The following RARB variants were observed in gnomAD, a reference collection of about 807,000 sequenced individuals.
RARB encodes the protein retinoic acid receptor beta.
A neutral mutation model predicts 51.9 loss-of-function variants in RARB; 17 were observed. The observed-to-expected ratio is 0.33, with a 90% CI of 0.22 to 0.49. The LOEUF (loss-of-function observed/expected upper bound fraction) is 0.49. Ranked by LOEUF, RARB falls within the 20% of genes least tolerant of loss-of-function variation. The pLI, the probability that RARB is intolerant of heterozygous loss-of-function variation, is 0.99. For synonymous variants in RARB, 215 were observed against 195.4 expected (o/e 1.10, Z -0.84); for missense variants, 369 against 550.8 (o/e 0.67, Z 3.30).
chr3:25,260,266 G>A (rs1030997055), intron 5 of RARB, among the ~76,000 whole-genome samples: 4 of 152,130 alleles, frequency 2.6e-5, no homozygotes, highest in African/African-American at 9.7e-5. Flanking sequence ...CAAGAAAGCT[G>A]CAGTATTTTG....
At chr3:25,169,629 A>C (rs1242158657) in intron 4 of RARB, among the ~76,000 whole-genome samples, 1 of 152,314 alleles carries the variant, frequency 6.6e-6, no homozygotes, top group East Asian at 1.9e-4. Context: ...AAGGAGAAAG[A>C]GGTTTCTATG....
chr3:25,212,765 G>A (rs931215165), intron 5 of RARB, among the ~76,000 whole-genome samples: 27 of 151,780 alleles, frequency 1.8e-4, no homozygotes, highest in African/African-American at 6.5e-4. Flanking sequence ...CTTTTTTTGT[G>A]AGTATGAAAA....
chr3:25,575,592 C>T (rs1700893014), intron 4 of RARB, among the ~76,000 whole-genome samples: 1 of 152,144 alleles, frequency 6.6e-6, no homozygotes, highest in Non-Finnish European at 1.5e-5. Context: ...TGCATGACAC[C>T]AATCCTCCGT....
At chr3:25,108,431 A>G (rs1324800245) in intron 3 of RARB, among the ~76,000 whole-genome samples, 4 of 152,180 alleles carry the variant, frequency 2.6e-5, no homozygotes, top group East Asian at 1.9e-4. Context: ...GGTTTCCTCT[A>G]TCACCTGGTA....
At chr3:25,033,702 T>A (rs74697960) in intron 2 of RARB, among the ~76,000 whole-genome samples, 2,019 of 152,234 alleles carry the variant, frequency 0.013, 16 homozygotes, top group Non-Finnish European at 0.02. Context: ...ATCTCTGCCT[T>A]CCAGTTCCCA....
At chr3:25,089,211 T>C (rs1388104167) in intron 3 of RARB, among the ~76,000 whole-genome samples, 8 of 152,018 alleles carry the variant, frequency 5.3e-5, no homozygotes, top group African/African-American at 1.9e-4. Context: ...TTGGTTTTCC[T>C]CCATAAAAAT....
intron 2 of RARB, among the ~76,000 whole-genome samples, chr3:24,891,614 T>G: frequency 6.6e-6 from 1 of 152,174 alleles, no homozygotes; most frequent in East Asian, 1.9e-4. Context: ...CATCATAACT[T>G]TTTTGTGGCT....
intron 2 of RARB, among the ~76,000 whole-genome samples, chr3:25,014,560 C>A (rs919496510): frequency 4.6e-5 from 7 of 152,074 alleles, no homozygotes; most frequent in Non-Finnish European, 8.8e-5. Flanking sequence ...CAGCATGCAG[C>A]TGAGTAAGTG....
chr3:24,859,343 G>C (rs911399588), intron 2 of RARB, among the ~76,000 whole-genome samples: 8 of 152,114 alleles, frequency 5.3e-5, no homozygotes, highest in African/African-American at 1.9e-4. Flanking sequence ...TCAGGGGGTG[G>C]AACTTCGTTT....
In RARB at chr3:24,969,324, TC is replaced by T. The variant is rs1696343542; in HGVS notation, c.-379-90800del. ...AGTGCCCAGCATAAAGAAAGCACCA[TC>T]TAAATGCTCTGTGAGGGGCATTATT... On this transcript the variant is annotated intron_variant, in intron 2 of 11. Coordinates refer to the RARB transcript ENST00000383772. Among the ~76,000 whole-genome samples, 3 of 152,176 alleles carry T rather than the reference TC, an allele frequency of 2.0e-5. No homozygotes were observed. In the South Asian group the frequency reaches 6.2e-4, roughly 32 times the overall value.
At chr3:25,180,375 G>A (rs1458091883) in intron 5 of RARB, among the ~76,000 whole-genome samples, 1 of 152,176 alleles carries the variant, frequency 6.6e-6, no homozygotes, top group Non-Finnish European at 1.5e-5. Flanking sequence ...TTGAACTTTG[G>A]AAAAGTTAGA....
rs372604310 is a variant in RARB at position 25,081,980 on chromosome 3, G to C, written c.-328+21804G>C. On this transcript the variant is annotated intron_variant, in intron 3 of 11. Transcript: ENST00000383772. ...TGTTATTAGGTGTATATACATTTAG[G>C]ATTTTTATATCTTCCTGATGAATTT... Among the ~76,000 whole-genome samples the C allele has an allele frequency of 1.0e-3, 154 of 151,976 alleles. 2 individuals carry two copies. In the Middle Eastern group the frequency reaches 0.014, roughly 13 times the overall value.
chr3:25,311,402 C>T (rs189020024), intron 5 of RARB, among the ~76,000 whole-genome samples: 1 of 152,240 alleles, frequency 6.6e-6, no homozygotes, highest in South Asian at 2.1e-4. Context: ...TGGGTCGGTA[C>T]TAAAGGATAT....
At chr3:24,858,227 G>T (rs1702670283) in intron 1 of RARB, among the ~76,000 whole-genome samples, 1 of 149,682 alleles carries the variant, frequency 6.7e-6, no homozygotes, top group South Asian at 2.1e-4. Context: ...ATTACAACAT[G>T]TTTTTTTTTT....
At chr3:24,904,467 A>G (rs1694805356) in intron 2 of RARB, among the ~76,000 whole-genome samples, 2 of 152,228 alleles carry the variant, frequency 1.3e-5, no homozygotes, top group South Asian at 4.1e-4. Flanking sequence ...ATGAGATACC[A>G]TCTGACACCA....
At chr3:25,396,260 G>A (rs1423191021) in intron 5 of RARB, among the ~76,000 whole-genome samples, 1 of 152,214 alleles carries the variant, frequency 6.6e-6, no homozygotes, top group Non-Finnish European at 1.5e-5. Flanking sequence ...TCTGGTGGAG[G>A]TAGCAGGGCA....
Position 25,042,681 on chromosome 3 carries a change from C to T in RARB, c.-379-17444C>T, listed in dbSNP as rs143140940. Among the ~76,000 whole-genome samples, 381 of 152,274 alleles carry T rather than the reference C, an allele frequency of 2.5e-3. 2 individuals are homozygous for T. Among genetic ancestry groups the T allele is most frequent in the Non-Finnish European group, 4.0e-3 (271 of 68,030 alleles). Reference sequence around the variant, plus strand: ...TGAATAATACTTAACACACTTATAACGATGTAATCCACTGTGTAGTTATTG... The same window carrying T: ...TGAATAATACTTAACACACTTATAATGATGTAATCCACTGTGTAGTTATTG... On this transcript the variant is annotated intron_variant, in intron 2 of 11. Coordinates refer to the RARB transcript ENST00000383772.
intron 5 of RARB, among the ~76,000 whole-genome samples, chr3:25,275,678 C>T (rs1703364774): frequency 1.3e-5 from 2 of 151,718 alleles, no homozygotes; most frequent in Non-Finnish European, 2.9e-5. Flanking sequence ...TCTCTAATGC[C>T]AGGTTCAGTG....
At chr3:24,976,806 T>C (rs940214832) in intron 2 of RARB, among the ~76,000 whole-genome samples, 1 of 152,192 alleles carries the variant, frequency 6.6e-6, no homozygotes, top group African/African-American at 2.4e-5. Flanking sequence ...TGCCATTGCT[T>C]TTTGTGTTTT....
Sources: allele counts gnomAD v4.1 joint callset (sites outside exome capture counted in the v4.1 genomes callset), GRCh38; gene constraint gnomAD v4.1.1; transcripts MANE v1.5; gene names NCBI Gene and HGNC (gene_info 2026-07-23, HGNC 2026-07-21).